GALNT7: variants seen among roughly 807,000 people sequenced by gnomAD.
GALNT7 encodes the protein N-acetylgalactosaminyltransferase 7.
In GALNT7, 60 loss-of-function variants were observed where a neutral mutation model predicts 82.1. That is an observed-to-expected ratio of 0.73 (90% CI 0.59 to 0.91). The LOEUF is 0.91. Ranked by LOEUF, GALNT7 falls within the 40% of genes least tolerant of loss-of-function variation. GALNT7 has a pLI of 0.00. For synonymous variants in GALNT7, 243 were observed against 275.1 expected, an observed-to-expected ratio of 0.88 and a Z score of 1.15; for missense variants, 660 against 804.2, an observed-to-expected ratio of 0.82 and a Z score of 2.17.
At chr4:173,277,044 A>ATT (rs1561185778) in intron 2 of GALNT7, among the ~76,000 whole-genome samples, 17 of 151,898 alleles carry the variant, frequency 1.1e-4, no homozygotes, top group Admixed American at 3.3e-4. Flanking sequence ...ATTGATTGAT[A>ATT]GATTGATTGA....
rs999633887 is a variant in GALNT7 at position 173,302,971 on chromosome 4, C to T, written c.1266+807C>T. On this transcript the variant is annotated intron_variant, in intron 7 of 11. Transcript: ENST00000265000. This position sits in a 1 kb window ranked among gnomAD's most constrained non-coding sequence, Gnocchi z 4.2. ...CATCACTTTGGGAGGCCAACATGGGCGGATCATGAGGTCAAGAGATCGAGA... is the reference window on the plus strand; with the variant it reads ...CATCACTTTGGGAGGCCAACATGGGTGGATCATGAGGTCAAGAGATCGAGA... Among the ~76,000 whole-genome samples, 5 of 152,142 alleles carry T rather than the reference C, an allele frequency of 3.3e-5. No individual in the cohort carries two copies. The highest frequency in any genetic ancestry group is 4.8e-5 in the African/African-American group (2 of 41,422).
intron 1 of GALNT7, among the ~76,000 whole-genome samples, chr4:173,244,745 TAGAA>T (rs1392326663): frequency 2.0e-5 from 3 of 152,100 alleles, no homozygotes; most frequent in East Asian, 1.9e-4. Flanking sequence ...GTGAGGATGA[TAGAA>T]AGAAGTGGCC....
chr4:173,319,528 A>G (rs958818639), intron 11 of GALNT7, among the ~76,000 whole-genome samples: 1 of 134,764 alleles, frequency 7.4e-6, no homozygotes, highest in African/African-American at 3.1e-5. Flanking sequence ...TATTTTCACA[A>G]AAAAAAAGGA....
At chr4:173,242,606 C>CA (rs1489847668) in intron 1 of GALNT7, among the ~76,000 whole-genome samples, 3 of 152,210 alleles carry the variant, frequency 2.0e-5, no homozygotes, top group African/African-American at 7.2e-5. Flanking sequence ...AGTCATCGCT[C>CA]AGTGCTCTGA....
intron 1 of GALNT7, among the ~76,000 whole-genome samples, chr4:173,239,525 G>A (rs72997701): frequency 0.011 from 1,682 of 152,284 alleles, 39 homozygotes; most frequent in African/African-American, 0.038. Flanking sequence ...ATATTCACAC[G>A]TACGAAAGCC....
intron 6 of GALNT7, among the ~76,000 whole-genome samples, chr4:173,301,170 T>C (rs1173105682): frequency 6.6e-6 from 1 of 151,720 alleles, no homozygotes; most frequent in Non-Finnish European, 1.5e-5. Context: ...GTAGAATCAA[T>C]GGAACCTTGA....
intron 1 of GALNT7, among the ~76,000 whole-genome samples, chr4:173,237,229 G>T (rs529269734): frequency 3.3e-5 from 5 of 152,198 alleles, no homozygotes; most frequent in African/African-American, 1.2e-4. Flanking sequence ...CCAAGAGAAG[G>T]TTATCATATA....
chr4:173,268,953 G>A (rs866485315), intron 2 of GALNT7, among the ~76,000 whole-genome samples: 34 of 152,220 alleles, frequency 2.2e-4, no homozygotes, highest in Middle Eastern at 3.4e-3. Context: ...ATAATAAGGA[G>A]CCACTGAATT....
chr4:173,280,688 A>C (rs1479824803), intron 2 of GALNT7, among the ~76,000 whole-genome samples: 1 of 152,192 alleles, frequency 6.6e-6, no homozygotes, highest in Admixed American at 6.5e-5. Flanking sequence ...AATTAGTCAA[A>C]AATATATATC....
intron 1 of GALNT7, among the ~76,000 whole-genome samples, chr4:173,229,146 T>G (rs1733938872): frequency 6.6e-6 from 1 of 152,182 alleles, no homozygotes; most frequent in Non-Finnish European, 1.5e-5. Context: ...TAGCTGAAAA[T>G]AAAGTATTTC....
intron 1 of GALNT7, among the ~76,000 whole-genome samples, chr4:173,215,621 A>G (rs908416090): frequency 7.9e-5 from 12 of 152,152 alleles, no homozygotes; most frequent in African/African-American, 2.9e-4. Flanking sequence ...TTTGACCCTA[A>G]GACCTAGCCT....
chr4:173,192,281 C>T (rs1457475048), intron 1 of GALNT7, among the ~76,000 whole-genome samples: 1 of 152,062 alleles, frequency 6.6e-6, no homozygotes. Flanking sequence ...CTCCTTGTTT[C>T]AGAATTTTGT....
chr4:173,247,812 C>T (rs938699606), intron 1 of GALNT7, among the ~76,000 whole-genome samples, 168 bp from the exon 2 acceptor site: 1 of 152,136 alleles, frequency 6.6e-6, no homozygotes, highest in East Asian at 1.9e-4. Flanking sequence ...TTCTTCTCTA[C>T]CCTGAAAGAT....
chr4:173,301,642 G>A (rs1736940338), intron 6 of GALNT7, among the ~76,000 whole-genome samples: 1 of 152,216 alleles, frequency 6.6e-6, no homozygotes, highest in Non-Finnish European at 1.5e-5. Flanking sequence ...GTATGGTTTT[G>A]TTCACCCAAG....
intron 1 of GALNT7, among the ~76,000 whole-genome samples, chr4:173,186,273 G>A (rs965375828): frequency 8.5e-5 from 13 of 152,334 alleles, no homozygotes; most frequent in African/African-American, 2.9e-4. Flanking sequence ...CAAGGTGGCA[G>A]CTGGCGGATT....
At chr4:173,173,054 G>A (rs530375672) in intron 1 of GALNT7, among the ~76,000 whole-genome samples, 9 of 152,206 alleles carry the variant, frequency 5.9e-5, no homozygotes, top group East Asian at 3.9e-4. Context: ...TTGGCAGGGC[G>A]GTGGTAGAGA....
intron 1 of GALNT7, among the ~76,000 whole-genome samples, chr4:173,200,819 C>T (rs1236518731): frequency 6.6e-6 from 1 of 152,122 alleles, no homozygotes; most frequent in Non-Finnish European, 1.5e-5. Context: ...CTTTTTATTT[C>T]AGTGAGATGA....
At chr4:173,284,310 G>A (rs1002576360) in intron 2 of GALNT7, among the ~76,000 whole-genome samples, 1 of 152,190 alleles carries the variant, frequency 6.6e-6, no homozygotes, top group African/African-American at 2.4e-5. Context: ...GGTGGTTACA[G>A]TCAAGAACAT....
At chr4:173,288,309 A>C (rs888393060) in intron 2 of GALNT7, among the ~76,000 whole-genome samples, 4 of 150,650 alleles carry the variant, frequency 2.7e-5, no homozygotes, top group Non-Finnish European at 4.4e-5. Context: ...AAAAAAAGAA[A>C]AGAACATATG....
Sources: allele counts gnomAD v4.1 joint callset (sites outside exome capture counted in the v4.1 genomes callset), GRCh38; gene constraint gnomAD v4.1.1; non-coding constraint Gnocchi (gnomAD v3.1); transcripts MANE v1.5; gene names NCBI Gene and HGNC (gene_info 2026-07-23, HGNC 2026-07-21).